MFF: variants seen among roughly 807,000 people sequenced by gnomAD.
The protein encoded by MFF is mitochondrial fission factor.
MFF carries 12 observed loss-of-function variants against 36.9 expected under a neutral mutation model. That is an observed-to-expected ratio of 0.33 (90% CI 0.21 to 0.53). MFF has a LOEUF of 0.53. MFF is among the 20% of genes least tolerant of loss of function. MFF has a pLI of 0.95. For missense variants in MFF, 348 were observed against 366.6 expected, an observed-to-expected ratio of 0.95 and a Z score of 0.42; for synonymous variants, 99 against 126.2, an observed-to-expected ratio of 0.78 and a Z score of 1.44.
At chr2:227,345,674 G>GTT (rs1036762684) in intron 5 of MFF, among the ~76,000 whole-genome samples, 9 of 151,888 alleles carry the variant, frequency 5.9e-5, no homozygotes, top group Admixed American at 5.9e-4. Flanking sequence ...CAAATAGGAT[G>GTT]TTTTTTTTAT....
At chr2:227,356,073 T>A (rs1027761701) in intron 8 of MFF, among the ~76,000 whole-genome samples, 8 of 152,240 alleles carry the variant, frequency 5.3e-5, no homozygotes, top group Non-Finnish European at 8.8e-5. Context: ...CCTTTGTTAC[T>A]GTGTTTAATA....
intron 5 of MFF, chr2:227,346,160 T>G (rs1351947528): frequency 6.0e-6 from 1 of 166,804 alleles, no homozygotes; most frequent in East Asian, 1.9e-4. Context: ...TAGAAAAGAT[T>G]ACACAGTCAA....
chr2:227,330,028 T>C (rs2074459666), intron 2 of MFF: 2 of 317,080 alleles, frequency 6.3e-6, no homozygotes, highest in Admixed American at 9.8e-5. Flanking sequence ...TTATTACAAA[T>C]TCTAAATTTG....
intron 5 of MFF, among the ~76,000 whole-genome samples, chr2:227,344,706 G>A (rs941822028): frequency 1.4e-5 from 2 of 147,944 alleles, no homozygotes; most frequent in Non-Finnish European, 3.0e-5. Flanking sequence ...ATACAACACT[G>A]GCAAAAGTAG....
chr2:227,336,097 G>A (rs771980023), intron 4 of MFF, among the ~76,000 whole-genome samples: 4 of 152,198 alleles, frequency 2.6e-5, no homozygotes, highest in Admixed American at 1.3e-4. Context: ...CAGTGGGGAA[G>A]GATCTTCCAG....
intron 1 of MFF, among the ~76,000 whole-genome samples, chr2:227,327,939 T>C (rs1274630768): frequency 6.6e-6 from 1 of 152,202 alleles, no homozygotes; most frequent in African/African-American, 2.4e-5. Context: ...AAAAATTGAT[T>C]ATAAAGGTTG....
chr2:227,355,187 A>C (rs368147279), intron 7 of MFF: 2 of 152,510 alleles, frequency 1.3e-5, no homozygotes, highest in African/African-American at 4.8e-5. Flanking sequence ...CAAGAAGTAA[A>C]GAATAAAAAT....
chr2:227,352,263 G>A, intron 6 of MFF: 1 of 370,138 alleles, frequency 2.7e-6, no homozygotes, highest in South Asian at 5.9e-5. Context: ...TTATATGTTG[G>A]TGCTGTTTTG....
chr2:227,334,625 C>T (rs560188363), intron 4 of MFF, among the ~76,000 whole-genome samples: 1 of 152,162 alleles, frequency 6.6e-6, no homozygotes, highest in Non-Finnish European at 1.5e-5. Context: ...CAATAGTGCT[C>T]TACCTCAGCA....
Position 227,355,677 on chromosome 2 carries a change from G to A in MFF, c.660G>A (p.Arg220=). 1 of 1,588,662 alleles carries A rather than the reference G, an allele frequency of 6.3e-7. No individual in the cohort carries two copies. Among genetic ancestry groups the A allele is most frequent in the Non-Finnish European group, 8.6e-7 (1 of 1,157,038 alleles). ...ATSNPHHDNV[R]YGISNIDTTI... is the part of the protein sequence containing the mutation. ...TTGTATTTCTATCTCTTATCTGCAG[G>A]TATGGCATTTCAAATATAGATACAA... is the stretch of plus-strand genomic sequence containing the variant. Residue 220 remains arginine, a splice_region_variant and synonymous_variant, in exon 8 of 9, where the codon AGG becomes AGA. Coordinates refer to ENST00000304593, the MANE Select transcript of MFF (RefSeq NM_001277062.2).
intron 6 of MFF, among the ~76,000 whole-genome samples, chr2:227,349,136 A>G (rs1029487574): frequency 1.8e-4 from 27 of 152,152 alleles, no homozygotes; most frequent in African/African-American, 2.9e-4. Context: ...TAATAGCTAG[A>G]TGGCAGAGTC....
intron 3 of MFF, 29 bp downstream of exon 3, chr2:227,330,875 T>G: frequency 6.7e-7 from 1 of 1,500,442 alleles, no homozygotes; most frequent in Non-Finnish European, 9.1e-7. Context: ...GAAGGTTGCC[T>G]GTTAAATCTT....
At chr2:227,352,830 G>C (rs1018820582) in intron 7 of MFF, among the ~76,000 whole-genome samples, 3 of 152,156 alleles carry the variant, frequency 2.0e-5, no homozygotes, top group Non-Finnish European at 4.4e-5. Context: ...AGTGTTAATA[G>C]TTTATAGGTG....
At chr2:227,338,238 A>G (rs2075149027) in intron 4 of MFF, among the ~76,000 whole-genome samples, 2 of 151,606 alleles carry the variant, frequency 1.3e-5, no homozygotes, top group East Asian at 2.0e-4. Flanking sequence ...GCGAGATGGC[A>G]TGCACCTGTA....
intron 7 of MFF, among the ~76,000 whole-genome samples, chr2:227,354,300 G>C (rs2076152782): frequency 6.6e-6 from 1 of 152,198 alleles, no homozygotes; most frequent in African/African-American, 2.4e-5. Context: ...TGGATGAAAA[G>C]TATAATTCTG....
At position 227,347,341 on chromosome 2, in the gene MFF, A is replaced by G. The variant is rs1374363178; in HGVS notation, c.556A>G (p.Arg186Gly). ...GTCGCTTATCCAGTCTTCTACTCGT[A>G]GGGCATACCAGCAGATCTTGGATGT... ...ILSLIQSSTR[R>G]AYQQILDVLD... Residue 186 changes from arginine (R) to glycine (G), a missense_variant, in exon 6 of 9, where the codon AGG (arginine) becomes GGG (glycine). Physicochemically the swap from Arg to Gly is moderately radical, Grantham distance 125. Transcript: ENST00000304593. The G allele has an allele frequency of 1.2e-6, 2 of 1,613,768 alleles. No homozygotes were observed. The highest frequency in any genetic ancestry group is 1.1e-5 in the South Asian group (1 of 91,072).
chr2:227,327,542 C>T (rs1221670303), intron 1 of MFF, among the ~76,000 whole-genome samples: 2 of 152,194 alleles, frequency 1.3e-5, no homozygotes, highest in Non-Finnish European at 2.9e-5. Context: ...AGTTCAGCTA[C>T]AGGAGAACTT....
Position 227,330,333 on chromosome 2 carries a change from CAG to C in MFF, c.-40-288_-40-287del, listed in dbSNP as rs78420864. The C allele has an allele frequency of 2.0e-3, 532 of 263,078 alleles. 2 individuals carry two copies. The highest frequency in any genetic ancestry group is 3.2e-3 in the Non-Finnish European group (453 of 142,270). 16.3% of individuals were successfully genotyped at this position (263,078 alleles called of 1,614,324 possible). On this transcript the variant is annotated intron_variant, in intron 2 of 8. Transcript: ENST00000304593. ...GTTACAAGCAGCATGCATGTTTACGCAGAGAGTATGTGTGTATGTGTGTGTAC... is the reference window on the plus strand; with the variant it reads ...GTTACAAGCAGCATGCATGTTTACGCAGAGTATGTGTGTATGTGTGTGTAC...
intron 1 of MFF, among the ~76,000 whole-genome samples, 157 bp from the exon 2 acceptor site, chr2:227,328,521 G>T (rs991413111): frequency 2.0e-5 from 3 of 152,064 alleles, no homozygotes; most frequent in Non-Finnish European, 4.4e-5. Context: ...TAAGATTGGT[G>T]GTAAGCTTAA....
Sources: allele counts gnomAD v4.1 joint callset (sites outside exome capture counted in the v4.1 genomes callset), GRCh38; gene constraint gnomAD v4.1.1; transcripts MANE v1.5; gene names NCBI Gene and HGNC (gene_info 2026-07-23, HGNC 2026-07-21).